DAB2IP: variants seen among roughly 807,000 people sequenced by gnomAD.
The protein encoded by DAB2IP is DAB2 interacting protein, also known as disabled homolog 2-interacting protein.
Under a neutral mutation model 107.2 loss-of-function variants are expected in DAB2IP, and 28 were observed. That is an observed-to-expected ratio of 0.26 (90% CI 0.19 to 0.36). DAB2IP has a LOEUF of 0.36. Ranked by LOEUF, DAB2IP falls within the 10% of genes least tolerant of loss-of-function variation. DAB2IP has a pLI of 1.00. For missense variants in DAB2IP, 1,400 were observed against 1,644.7 expected (o/e 0.85, Z 2.57); for synonymous variants, 755 against 706.4 (o/e 1.07, Z -1.09).
intron 1 of DAB2IP, among the ~76,000 whole-genome samples, chr9:121,653,053 C>T (rs1832816781): frequency 6.6e-6 from 1 of 152,118 alleles, no homozygotes; most frequent in Admixed American, 6.5e-5. Context: ...GTTCAGTCCT[C>T]AAGGGTCTCT....
chr9:121,650,521 C>A (rs1411129895), upstream of DAB2IP, among the ~76,000 whole-genome samples: 4 of 152,242 alleles, frequency 2.6e-5, no homozygotes, highest in Admixed American at 1.3e-4. Flanking sequence ...TCACACCCCC[C>A]ACCCCTAAGT....
chr9:121,751,953 G>A lies in DAB2IP; in HGVS notation c.363-5060G>A, dbSNP rs563596445. The stretch of plus-strand genomic sequence containing the variant: ...TCATGGTGCCACCTCCTTCCTGGGA[G>A]CAGTAAGGATTCCATGCCATGGAGG... On this transcript the variant is annotated intron_variant, in intron 3 of 15. Coordinates refer to ENST00000408936, the Ensembl canonical transcript of DAB2IP. The A allele has an allele frequency of 3.5e-5, 34 of 985,502 alleles. 1 individual carries two copies. The South Asian group carries it at 1.5e-3, about 42-fold the overall frequency. The allele number at this position is 985,502 out of a possible 1,614,324, so 61.0% of individuals were successfully genotyped here.
chr9:121,628,046 A>G (rs520204), intron 1 of DAB2IP, among the ~76,000 whole-genome samples: 88,332 of 151,750 alleles, frequency 0.58, 29,963 homozygotes, highest in Non-Finnish European at 0.77. Context: ...GAAAGTGGTC[A>G]TTGCTAAGAA....
At chr9:121,641,832 T>C (rs1346451028) in intron 1 of DAB2IP, among the ~76,000 whole-genome samples, 2 of 151,750 alleles carry the variant, frequency 1.3e-5, no homozygotes, top group Non-Finnish European at 2.9e-5. Context: ...CCTCTTTCTT[T>C]CTTTTCTTTC....
chr9:121,694,091 T>G (rs1039801182), intron 2 of DAB2IP, among the ~76,000 whole-genome samples: 1 of 151,962 alleles, frequency 6.6e-6, no homozygotes, highest in Non-Finnish European at 1.5e-5. Context: ...ACTCAGGGAG[T>G]GAGCGGGCCT....
chr9:121,763,140 G>A (rs892129571), intron 6 of DAB2IP, among the ~76,000 whole-genome samples: 3 of 152,212 alleles, frequency 2.0e-5, no homozygotes, highest in African/African-American at 7.2e-5. Flanking sequence ...GGTGCGGGGA[G>A]AGGCGAGTCC....
intron 3 of DAB2IP, among the ~76,000 whole-genome samples, chr9:121,714,298 A>T (rs750733984): frequency 1.3e-5 from 2 of 152,252 alleles, no homozygotes; most frequent in Non-Finnish European, 2.9e-5. Context: ...TGTTGCTGCT[A>T]AATGAGTCAT....
At chr9:121,780,551 TAA>T (rs1011985946) in intron 14 of DAB2IP, among the ~76,000 whole-genome samples, 1 of 152,152 alleles carries the variant, frequency 6.6e-6, no homozygotes. Context: ...AGGGCTCATC[TAA>T]GAGTGTGTGG....
At chr9:121,637,687 C>T (rs962486538) in intron 1 of DAB2IP, among the ~76,000 whole-genome samples, 4 of 152,158 alleles carry the variant, frequency 2.6e-5, no homozygotes, top group Non-Finnish European at 4.4e-5. Context: ...TGCCTGCCCC[C>T]GAATTGCAGC....
At chr9:121,758,858 G>A in intron 4 of DAB2IP, 40 bp from the exon 5 acceptor site, 1 of 1,586,154 alleles carries the variant, frequency 6.3e-7, no homozygotes, top group Non-Finnish European at 8.6e-7. Context: ...CCTTGCTGTG[G>A]TCCCTTCCCT....
intron 1 of DAB2IP, among the ~76,000 whole-genome samples, chr9:121,657,899 T>C (rs1833035078): frequency 1.3e-5 from 2 of 152,198 alleles, no homozygotes; most frequent in Admixed American, 1.3e-4. Flanking sequence ...CTGTTTCCCT[T>C]GACAACTGGG....
At chr9:121,731,635 T>G (rs1831544617) in intron 3 of DAB2IP, among the ~76,000 whole-genome samples, 1 of 152,176 alleles carries the variant, frequency 6.6e-6, no homozygotes, top group Non-Finnish European at 1.5e-5. Context: ...AATGGACTGC[T>G]CTGGCCTCAC....
chr9:121,602,243 G>A (rs1830707262), intron 1 of DAB2IP, among the ~76,000 whole-genome samples: 1 of 152,196 alleles, frequency 6.6e-6, no homozygotes, highest in Non-Finnish European at 1.5e-5. Flanking sequence ...ACCCACTGGT[G>A]GGTGGAATGG....
At position 121,599,018 on chromosome 9, in the gene DAB2IP, AC is replaced by A. The variant is rs1337247836; in HGVS notation, c.40+31794del. Among the ~76,000 whole-genome samples, 1 of 151,834 alleles carries A rather than the reference AC, an allele frequency of 6.6e-6. No homozygotes were observed. The highest frequency in any genetic ancestry group is 1.5e-5 in the Non-Finnish European group (1 of 67,962). ...AGTGCTGGGGTGCCTTCCCTGTGACACCCCGCACTGTCCCCTTCCCAAGCTC... is the reference window on the plus strand; with the variant it reads ...AGTGCTGGGGTGCCTTCCCTGTGACACCCGCACTGTCCCCTTCCCAAGCTC... On this transcript the variant is annotated intron_variant, in intron 1 of 16. Coordinates refer to the DAB2IP transcript ENST00000259371. This position sits in a 1 kb window ranked among gnomAD's most constrained non-coding sequence, Gnocchi z 6.9.
chr9:121,614,340 T>TC lies in DAB2IP; in HGVS notation c.40+47112_40+47113insC, dbSNP rs1554849181. Among the ~76,000 whole-genome samples, 258 of 113,764 alleles carry TC rather than the reference T, an allele frequency of 2.3e-3. 1 individual carries two copies. In the East Asian group the frequency reaches 0.032, roughly 14 times the overall value. The allele number at this position is 113,764 out of a possible 152,430, so 74.6% of individuals were successfully genotyped here. Reference sequence around the variant, plus strand: ...CACCTTTGCACTTCTTTCTTTTCTTTTTTTTTTTTTTTTTTTTTGAGAGGG... The same window carrying TC: ...CACCTTTGCACTTCTTTCTTTTCTTTCTTTTTTTTTTTTTTTTTTGAGAGGG... On this transcript the variant is annotated intron_variant, in intron 1 of 16. Transcript: ENST00000259371.
In DAB2IP at chr9:121,635,593, A is replaced by T. The variant is rs1832058647; in HGVS notation, c.41-43085A>T. Among the ~76,000 whole-genome samples the T allele has an allele frequency of 6.6e-6, 1 of 152,072 alleles. No homozygotes were observed. Among genetic ancestry groups the T allele is most frequent in the South Asian group, 2.1e-4 (1 of 4,830 alleles). ...CAGGGAAGAAGGCCACCTGAGAGAG[A>T]GGTTAGGAAGCACCAGGGCAACCAC... On this transcript the variant is annotated intron_variant, in intron 1 of 16. Transcript: ENST00000259371. This position sits in a 1 kb window ranked among gnomAD's most constrained non-coding sequence, Gnocchi z 4.3.
intron 1 of DAB2IP, among the ~76,000 whole-genome samples, chr9:121,657,482 C>T (rs902294232): frequency 6.6e-6 from 1 of 152,234 alleles, no homozygotes; most frequent in East Asian, 1.9e-4. Flanking sequence ...CCTCATGTCT[C>T]ATCTCAGTTC....
chr9:121,641,968 CTCT>C (rs1832328657), intron 1 of DAB2IP, among the ~76,000 whole-genome samples: 3 of 101,830 alleles, frequency 2.9e-5, no homozygotes, highest in African/African-American at 1.0e-4. Context: ...CTTTCTCTCT[CTCT>C]CTTTCTTTCT....
chr9:121,706,009 C>T (rs1354951342), intron 3 of DAB2IP, among the ~76,000 whole-genome samples: 6 of 152,196 alleles, frequency 3.9e-5, no homozygotes, highest in Admixed American at 2.0e-4. Context: ...CTCCCCCAGT[C>T]GGCTTGGTGA....
Sources: allele counts gnomAD v4.1 joint callset (sites outside exome capture counted in the v4.1 genomes callset), GRCh38; gene constraint gnomAD v4.1.1; non-coding constraint Gnocchi (gnomAD v3.1); transcripts MANE v1.5; gene names NCBI Gene and HGNC (gene_info 2026-07-23, HGNC 2026-07-21).